FRMPD4: variants seen among roughly 807,000 people sequenced by gnomAD.
FRMPD4 encodes FERM and PDZ domain containing 4.
FRMPD4 carries 22 observed loss-of-function variants against 94.1 expected under a neutral mutation model. The observed-to-expected ratio is 0.23, with a 90% confidence interval of 0.17 to 0.33. The LOEUF (loss-of-function observed/expected upper bound fraction) is 0.33. Ranked by LOEUF, FRMPD4 falls within the 10% of genes least tolerant of loss-of-function variation. The probability of loss-of-function intolerance (pLI) is 1.00; values close to 1 mark genes in which losing one functional copy is unlikely to be tolerated. For synonymous variants in FRMPD4, 631 were observed against 548.6 expected (o/e 1.15, Z -2.10); for missense variants, 1,111 against 1,339.9 (o/e 0.83, Z 2.67).
At chrX:11,867,675 C>A (rs369525074) in intron 2 of FRMPD4, among the ~76,000 whole-genome samples, 2 of 111,871 alleles carry the variant, frequency 1.8e-5, no homozygotes, top group Non-Finnish European at 3.8e-5. Flanking sequence ...CCCAATGGGT[C>A]ATTTTCAGTC....
chrX:12,556,287 A>G lies in FRMPD4; in HGVS notation c.159-53434A>G, dbSNP rs757005282. Reference sequence around the variant, plus strand: ...ATGTAATCAAACTCCTGATCAACTGACATTAATTTAATCAAAATGGAGATT... The same window carrying G: ...ATGTAATCAAACTCCTGATCAACTGGCATTAATTTAATCAAAATGGAGATT... On this transcript the variant is annotated intron_variant, in intron 2 of 16. Transcript: ENST00000675598. 4.5e-5 allele frequency among the ~76,000 whole-genome samples: 5 copies of G among 111,464 alleles called. No individual in the cohort carries two copies. The East Asian group carries it at 1.4e-3, about 31-fold the overall frequency.
chrX:12,533,656 G>A (rs976769081), intron 2 of FRMPD4, among the ~76,000 whole-genome samples: 4 of 112,117 alleles, frequency 3.6e-5, no homozygotes, highest in African/African-American at 1.3e-4. Flanking sequence ...CTCTTGTTAT[G>A]TTTTAGCAAA....
intron 3 of FRMPD4, among the ~76,000 whole-genome samples, chrX:12,087,318 CA>C (rs1450628507): frequency 8.9e-6 from 1 of 111,779 alleles, no homozygotes; most frequent in Non-Finnish European, 1.9e-5. Context: ...GTGGTGGCAA[CA>C]GACTTTCCAA....
At chrX:12,542,191 C>A (rs1406462702) in intron 2 of FRMPD4, among the ~76,000 whole-genome samples, 2 of 112,200 alleles carry the variant, frequency 1.8e-5, no homozygotes, top group African/African-American at 6.5e-5. Flanking sequence ...GACAAGGATG[C>A]CCTCTCTCAC....
chrX:12,234,297 AGT>A (rs1215914458), intron 1 of FRMPD4, among the ~76,000 whole-genome samples: 1 of 111,594 alleles, frequency 9.0e-6, no homozygotes, highest in Non-Finnish European at 1.9e-5. Flanking sequence ...AGAGAGAGAG[AGT>A]GTGTGTATGT....
intron 3 of FRMPD4, among the ~76,000 whole-genome samples, chrX:12,117,497 TAATGTTGCC>T (rs1228628091): frequency 9.0e-6 from 1 of 111,636 alleles, no homozygotes; most frequent in Non-Finnish European, 1.9e-5. Context: ...ACTCATGTCC[TAATGTTGCC>T]ATTTAGCTCT....
chrX:12,438,749 C>T (rs900022041), intron 1 of FRMPD4, among the ~76,000 whole-genome samples: 1 of 111,483 alleles, frequency 9.0e-6, no homozygotes, highest in Non-Finnish European at 1.9e-5. Context: ...TCTACTTTCA[C>T]GGCTGCCTTT....
intron 3 of FRMPD4, among the ~76,000 whole-genome samples, chrX:11,955,951 A>G (rs1228250309): frequency 9.0e-6 from 1 of 111,566 alleles, no homozygotes; most frequent in Non-Finnish European, 1.9e-5. Context: ...TCTAACATGC[A>G]TGGCAGAAAA....
chrX:11,899,401 G>A (rs1340062386), intron 3 of FRMPD4, among the ~76,000 whole-genome samples: 37 of 52,918 alleles, frequency 7.0e-4, no homozygotes, highest in African/African-American at 2.6e-3. Flanking sequence ...TTTTTTTTTT[G>A]CAGCTGACAC....
chrX:12,407,985 C>G (rs1189407757), intron 1 of FRMPD4, among the ~76,000 whole-genome samples: 1 of 109,060 alleles, frequency 9.2e-6, no homozygotes, highest in Non-Finnish European at 1.9e-5. Flanking sequence ...AACCTACCCC[C>G]AAAGTTTGAG....
chrX:12,450,936 C>T (rs1367314903), intron 1 of FRMPD4, among the ~76,000 whole-genome samples: 1 of 106,057 alleles, frequency 9.4e-6, no homozygotes, highest in East Asian at 3.0e-4. Flanking sequence ...AAGCCAGTGG[C>T]CCCTCATCTT....
chrX:12,507,116 T>C (rs1254014002), intron 2 of FRMPD4, among the ~76,000 whole-genome samples: 1 of 112,507 alleles, frequency 8.9e-6, no homozygotes, highest in East Asian at 2.8e-4. Flanking sequence ...ATTTCTCACA[T>C]GGCCTTCTCA....
intron 3 of FRMPD4, among the ~76,000 whole-genome samples, chrX:12,048,015 C>A (rs2054795711): frequency 8.9e-6 from 1 of 112,378 alleles, no homozygotes. Context: ...GATATATACC[C>A]AGTAATGGGA....
chrX:12,062,935 T>C (rs761143281), intron 3 of FRMPD4, among the ~76,000 whole-genome samples: 5 of 112,057 alleles, frequency 4.5e-5, no homozygotes, highest in African/African-American at 9.7e-5. Flanking sequence ...TATTGAATCA[T>C]ATAGGACTTC....
chrX:12,154,237 C>T (rs2407767), intron 1 of FRMPD4, among the ~76,000 whole-genome samples: 13,601 of 112,551 alleles, frequency 0.12, 808 homozygotes, highest in African/African-American at 0.23. Flanking sequence ...AGACTTCTTT[C>T]TCTTCTCAAA....
chrX:12,455,146 C>T (rs2057319527), intron 1 of FRMPD4, among the ~76,000 whole-genome samples: 2 of 110,721 alleles, frequency 1.8e-5, no homozygotes, highest in Admixed American at 9.6e-5. Flanking sequence ...ATTATCCTTG[C>T]AACTTCTCTG....
At chrX:11,943,310 T>G (rs779970943) in intron 3 of FRMPD4, among the ~76,000 whole-genome samples, 3 of 112,095 alleles carry the variant, frequency 2.7e-5, no homozygotes, top group Non-Finnish European at 3.8e-5. Flanking sequence ...ATCACTGGGC[T>G]GCTGATCCTT....
intron 3 of FRMPD4, among the ~76,000 whole-genome samples, chrX:12,006,868 A>C (rs988922368): frequency 8.9e-6 from 1 of 111,973 alleles, no homozygotes; most frequent in African/African-American, 3.2e-5. Flanking sequence ...AGCCAACTGT[A>C]GCTTGTCTGC....
chrX:12,285,938 A>C (rs2054593898), intron 1 of FRMPD4, among the ~76,000 whole-genome samples: 1 of 111,887 alleles, frequency 8.9e-6, no homozygotes, highest in Non-Finnish European at 1.9e-5. Flanking sequence ...TGGCCTTTAT[A>C]CTTAATAGTG....
Sources: gnomAD v4.1 joint callset for allele counts (sites outside exome capture counted in the v4.1 genomes callset) on GRCh38, gnomAD v4.1.1 for gene constraint, MANE v1.5 for transcripts, NCBI Gene and HGNC (gene_info 2026-07-23, HGNC 2026-07-21) for gene names.